The following SMIM31 variants were observed in gnomAD, a reference collection of about 807,000 sequenced individuals.
The protein encoded by SMIM31 is small integral membrane protein 31, also known as human epithelial cell program regulator.
intron 2 of SMIM31, among the ~76,000 whole-genome samples, chr4:164,771,532 T>A (rs1027130297): frequency 2.0e-5 from 3 of 152,052 alleles, no homozygotes; most frequent in African/African-American, 7.2e-5. Flanking sequence ...CTGGGCGCGG[T>A]GACTCACGCC....
At chr4:164,798,653 T>C (rs760992575) in intron 2 of SMIM31, among the ~76,000 whole-genome samples, 11 of 152,188 alleles carry the variant, frequency 7.2e-5, no homozygotes, top group Non-Finnish European at 1.5e-4. Context: ...CAAAAGCTGA[T>C]GGTATAATTC....
At chr4:164,757,860 T>C (rs1732586036) in intron 1 of SMIM31, among the ~76,000 whole-genome samples, 1 of 152,178 alleles carries the variant, frequency 6.6e-6, no homozygotes, top group South Asian at 2.1e-4. Flanking sequence ...TGAGTCCTCC[T>C]ACTTTGTTCT....
At chr4:164,777,832 T>C (rs776014822) in intron 2 of SMIM31, among the ~76,000 whole-genome samples, 1 of 152,240 alleles carries the variant, frequency 6.6e-6, no homozygotes, top group Non-Finnish European at 1.5e-5. Context: ...CAGGTTAGAA[T>C]CGACTTTATA....
intron 2 of SMIM31, among the ~76,000 whole-genome samples, chr4:164,789,040 C>G (rs969728249): frequency 2.1e-5 from 3 of 144,896 alleles, no homozygotes; most frequent in Non-Finnish European, 3.0e-5. Context: ...GATTTGTGTG[C>G]AAGGCTAATG....
chr4:164,798,504 G>A (rs1358484913), intron 2 of SMIM31, among the ~76,000 whole-genome samples: 1 of 151,942 alleles, frequency 6.6e-6, no homozygotes, highest in Non-Finnish European at 1.5e-5. Flanking sequence ...GCCTCCCAAA[G>A]TGCTGGGATT....
At chr4:164,761,787 G>A (rs1380565019) in intron 1 of SMIM31, among the ~76,000 whole-genome samples, 1 of 151,786 alleles carries the variant, frequency 6.6e-6, no homozygotes, top group African/African-American at 2.4e-5. Context: ...AGCCAGGTGT[G>A]GTGGCTAGTG....
chr4:164,783,531 GAAAA>G (rs67784042), intron 2 of SMIM31, among the ~76,000 whole-genome samples: 1 of 114,620 alleles, frequency 8.7e-6, no homozygotes, highest in Non-Finnish European at 1.8e-5. Context: ...CTCAAAAAAA[GAAAA>G]AAAAAAAAAA....
chr4:164,755,539 A>AGGAGGGGAGGGGAGGGAAGG (rs1732548551), intron 1 of SMIM31, among the ~76,000 whole-genome samples: 1 of 11,438 alleles, frequency 8.7e-5, no homozygotes, highest in Non-Finnish European at 1.5e-4. Context: ...GGGAGAGGAG[A>AGGAGGGGAGGGGAGGGAAGG]GGAGGGGAGG....
intron 2 of SMIM31, among the ~76,000 whole-genome samples, chr4:164,795,769 A>G (rs1733182744): frequency 6.6e-6 from 1 of 152,180 alleles, no homozygotes; most frequent in Non-Finnish European, 1.5e-5. Context: ...AGTATTAATT[A>G]TAATCAGTTA....
At chr4:164,797,357 G>T (rs1458864929) in intron 2 of SMIM31, among the ~76,000 whole-genome samples, 1 of 151,716 alleles carries the variant, frequency 6.6e-6, no homozygotes, top group East Asian at 1.9e-4. Flanking sequence ...ATTAGTCAAG[G>T]TTTACAGAAA....
chr4:164,764,260 A>G (rs1732689198), intron 1 of SMIM31, among the ~76,000 whole-genome samples: 1 of 152,148 alleles, frequency 6.6e-6, no homozygotes, highest in South Asian at 2.1e-4. Flanking sequence ...CCATTGGCAG[A>G]CCATTGAGTT....
intron 2 of SMIM31, among the ~76,000 whole-genome samples, chr4:164,792,528 A>C (rs1732288678): frequency 6.6e-6 from 1 of 152,194 alleles, no homozygotes; most frequent in African/African-American, 2.4e-5. Flanking sequence ...CTAAAAGAGA[A>C]ATTTGCCAAA....
chr4:164,775,850 C>T (rs1732874314), intron 2 of SMIM31, among the ~76,000 whole-genome samples: 1 of 152,202 alleles, frequency 6.6e-6, no homozygotes, highest in African/African-American at 2.4e-5. Flanking sequence ...TCTGCTCCCT[C>T]ACCTACAACA....
chr4:164,789,308 T>A (rs1733070188), intron 2 of SMIM31, among the ~76,000 whole-genome samples: 1 of 152,184 alleles, frequency 6.6e-6, no homozygotes, highest in African/African-American at 2.4e-5. Flanking sequence ...GAGGTACAAA[T>A]GAACTCACTC....
intron 2 of SMIM31, among the ~76,000 whole-genome samples, chr4:164,781,212 G>A (rs557226256): frequency 1.3e-5 from 2 of 152,068 alleles, no homozygotes; most frequent in East Asian, 1.9e-4. Context: ...ATATGTTGCT[G>A]GTGGGAACGC....
At chr4:164,790,818 C>T (rs1440822174) in intron 2 of SMIM31, among the ~76,000 whole-genome samples, 1 of 151,894 alleles carries the variant, frequency 6.6e-6, no homozygotes, top group Non-Finnish European at 1.5e-5. Flanking sequence ...AACAAATGCT[C>T]CAGAGGTTAT....
chr4:164,761,701 G>A (rs564021633), intron 1 of SMIM31, among the ~76,000 whole-genome samples: 6 of 151,690 alleles, frequency 4.0e-5, no homozygotes, highest in Non-Finnish European at 5.9e-5. Flanking sequence ...GGTGTCTCAC[G>A]AGGTCAGGAG....
chr4:164,764,498 C>T (rs930342619), intron 1 of SMIM31, among the ~76,000 whole-genome samples: 4 of 149,568 alleles, frequency 2.7e-5, no homozygotes, highest in South Asian at 2.1e-4. Flanking sequence ...ACCTGGGAGG[C>T]GGAGGTTGCA....
chr4:164,784,709 A>G (rs1417855930), intron 2 of SMIM31, among the ~76,000 whole-genome samples: 1 of 152,168 alleles, frequency 6.6e-6, no homozygotes, highest in Non-Finnish European at 1.5e-5. Context: ...TGAGCCTGAG[A>G]ATCACAAGAA....
Sources: allele counts gnomAD v4.1 joint callset (sites outside exome capture counted in the v4.1 genomes callset), GRCh38; gene constraint gnomAD v4.1.1; transcripts MANE v1.5; gene names NCBI Gene and HGNC (gene_info 2026-07-23, HGNC 2026-07-21).